PDZD2: variants seen among roughly 807,000 people sequenced by gnomAD.
PDZD2 encodes the protein PDZ domain-containing protein 2.
In PDZD2, 90 loss-of-function variants were observed where a neutral mutation model predicts 220.7. That is an observed-to-expected ratio of 0.41 (90% CI 0.34 to 0.49). The LOEUF is 0.49. Ranked by LOEUF, PDZD2 falls within the 20% of genes least tolerant of loss-of-function variation. The pLI, the probability that PDZD2 is intolerant of heterozygous loss-of-function variation, is 0.28. For missense variants in PDZD2, 3,174 were observed against 3,608.5 expected (o/e 0.88, Z 3.08); for synonymous variants, 1,375 against 1,450.5 (o/e 0.95, Z 1.18).
chr5:31,831,222 G>A lies in PDZD2; in HGVS notation c.476+31498G>A, dbSNP rs111605157. ...CATGGGGCCAGGGGCAGTGGCTCAC[G>A]CCTGTAATCCCAGCACTTTGGGAGG... On this transcript the variant is annotated intron_variant, in intron 2 of 24. Transcript: ENST00000438447. Among the ~76,000 whole-genome samples, 1,296 of 152,278 alleles carry A rather than the reference G, an allele frequency of 8.5e-3. 20 individuals are homozygous for A. Among genetic ancestry groups the A allele is most frequent in the African/African-American group, 0.029 (1,207 of 41,538 alleles).
chr5:31,728,526 C>T (rs1413349462), intron 1 of PDZD2, among the ~76,000 whole-genome samples: 2 of 152,116 alleles, frequency 1.3e-5, no homozygotes, highest in African/African-American at 2.4e-5. Context: ...ATGCTCCTTG[C>T]GAGTGCTAAT....
intron 2 of PDZD2, among the ~76,000 whole-genome samples, chr5:31,962,658 G>A (rs1241275443): frequency 6.6e-6 from 1 of 152,188 alleles, no homozygotes; most frequent in Non-Finnish European, 1.5e-5. Context: ...GCTCCAATCT[G>A]CACGGAGAAG....
In PDZD2 at chr5:31,740,418, A is replaced by G. The variant is rs544414018; in HGVS notation, c.-360-58471A>G. ...CAGGCGCCTGTAGTCCCAGCTACTC[A>G]GGAGGCTGAGGCATGAGAATGGCGT... On this transcript the variant is annotated intron_variant, in intron 1 of 24. Transcript: ENST00000438447. 1.6e-4 allele frequency among the ~76,000 whole-genome samples: 24 copies of G among 149,874 alleles called. No individual in the cohort carries two copies. The East Asian group carries it at 2.0e-3, about 12-fold the overall frequency.
intron 7 of PDZD2, among the ~76,000 whole-genome samples, chr5:32,046,897 G>A (rs1180586195): frequency 1.3e-5 from 2 of 152,036 alleles, no homozygotes; most frequent in Non-Finnish European, 1.5e-5. Context: ...AAAAAAATTA[G>A]CTGGGCGTGG....
intron 1 of PDZD2, among the ~76,000 whole-genome samples, chr5:31,737,472 A>G (rs1580656147): frequency 6.6e-6 from 1 of 152,156 alleles, no homozygotes; most frequent in Non-Finnish European, 1.5e-5. Flanking sequence ...GCGCCCGGCC[A>G]GAGCAGTCTA....
intron 6 of PDZD2, among the ~76,000 whole-genome samples, chr5:32,021,282 T>G (rs1301681205): frequency 6.6e-6 from 1 of 151,136 alleles, no homozygotes; most frequent in Non-Finnish European, 1.5e-5. Flanking sequence ...TGTTGTTGTT[T>G]TTGAGACAGC....
chr5:31,749,325 C>T (rs1483270877), intron 1 of PDZD2, among the ~76,000 whole-genome samples: 1 of 151,946 alleles, frequency 6.6e-6, no homozygotes, highest in African/African-American at 2.4e-5. Flanking sequence ...GAAAATGAAG[C>T]TCAGAGGGGT....
intron 1 of PDZD2, among the ~76,000 whole-genome samples, chr5:31,753,219 A>G (rs1405210333): frequency 1.3e-5 from 2 of 152,248 alleles, no homozygotes; most frequent in Non-Finnish European, 2.9e-5. Flanking sequence ...CACTTTCTTC[A>G]TAACGCTCTT....
intron 5 of PDZD2, among the ~76,000 whole-genome samples, chr5:32,004,121 T>C (rs185020448): frequency 2.7e-5 from 4 of 150,362 alleles, no homozygotes; most frequent in Non-Finnish European, 5.9e-5. Context: ...GGGCCACTTA[T>C]GGGTAAAGCA....
At chr5:31,966,080 T>A (rs139640634) in intron 2 of PDZD2, among the ~76,000 whole-genome samples, 1 of 152,306 alleles carries the variant, frequency 6.6e-6, no homozygotes, top group East Asian at 1.9e-4. Flanking sequence ...GTTTTTGTTT[T>A]GTTTTTTGGG....
In PDZD2 at chr5:31,958,725, A is replaced by G. The variant is rs1031877187; in HGVS notation, c.477-24430A>G. On this transcript the variant is annotated intron_variant, in intron 2 of 24. Coordinates refer to ENST00000438447, the MANE Select transcript of PDZD2 (RefSeq NM_178140.4). ...AGCCTCGACCTCCTAGGCTCAAGCA[A>G]TCCTCCCACCTCAGCCTTCCAAGTA... Among the ~76,000 whole-genome samples, 5 of 152,012 alleles carry G rather than the reference A, an allele frequency of 3.3e-5. No individual in the cohort carries two copies. The South Asian group carries it at 8.3e-4, about 25-fold the overall frequency.
intron 1 of PDZD2, among the ~76,000 whole-genome samples, chr5:31,716,667 G>A (rs1213517809): frequency 6.6e-6 from 1 of 152,184 alleles, no homozygotes; most frequent in East Asian, 1.9e-4. Context: ...GCCGGGTGTG[G>A]TGGTGGGCAC....
At chr5:32,030,846 A>T (rs1015123145) in intron 6 of PDZD2, among the ~76,000 whole-genome samples, 2 of 151,158 alleles carry the variant, frequency 1.3e-5, no homozygotes, top group Admixed American at 6.6e-5. Flanking sequence ...TCTCATATTT[A>T]CTCCCTTTAG....
Position 32,087,499 on chromosome 5 carries a change from A to G in PDZD2, c.4051A>G (p.Arg1351Gly). Residue 1351 changes from arginine (R) to glycine (G), a missense_variant, in exon 20 of 25, where the codon AGA (arginine) becomes GGA (glycine). Arg to Gly is a moderately radical substitution (Grantham distance 125). Transcript: ENST00000438447. This position sits in a 1 kb window ranked among gnomAD's most constrained non-coding sequence, Gnocchi z 4.0. Reference sequence around the variant, plus strand: ...AGACCCCCTCACATCCCAGGAGCAGAGACAGGGAGCTCCAGGTAACCACAG... The same window carrying G: ...AGACCCCCTCACATCCCAGGAGCAGGGACAGGGAGCTCCAGGTAACCACAG... ...PGDPLTSQEQRQGAPGNHSKA... is the reference protein window; with the variant it reads ...PGDPLTSQEQGQGAPGNHSKA... 6 of 1,613,306 alleles carry G rather than the reference A, an allele frequency of 3.7e-6. No homozygotes were observed. The highest frequency in any genetic ancestry group is 5.1e-6 in the Non-Finnish European group (6 of 1,179,554).
intron 7 of PDZD2, among the ~76,000 whole-genome samples, chr5:32,038,371 A>ACG (rs1187714736): frequency 6.6e-6 from 1 of 150,386 alleles, no homozygotes; most frequent in African/African-American, 2.5e-5. Flanking sequence ...CTACTAAAAT[A>ACG]CACACACACA....
At position 32,087,848 on chromosome 5, in the gene PDZD2, G is replaced by A. The variant is rs781273004; in HGVS notation, c.4400G>A (p.Gly1467Glu). The A allele has an allele frequency of 3.7e-6, 6 of 1,611,376 alleles. No individual in the cohort carries two copies. In the Admixed American group the frequency reaches 6.7e-5, roughly 18 times the overall value. ...QGHPPAGAGG[G>E]SSCRAEPVPG... ...CACCCACCAGCCGGGGCTGGAGGTGGGAGCTCCTGCCGTGCCGAACCAGTC... is the reference window on the plus strand; with the variant it reads ...CACCCACCAGCCGGGGCTGGAGGTGAGAGCTCCTGCCGTGCCGAACCAGTC... The change falls in exon 20 of 25, where the codon GGG (glycine) becomes GAG (glutamate). Residue 1467 changes from glycine (G) to glutamate (E), a missense_variant. Physicochemically the swap from Gly to Glu is moderately conservative, Grantham distance 98. Coordinates refer to ENST00000438447, the MANE Select transcript of PDZD2 (RefSeq NM_178140.4). This position sits in a 1 kb window ranked among gnomAD's most constrained non-coding sequence, Gnocchi z 4.0.
chr5:31,763,042 T>A (rs953063900), intron 1 of PDZD2, among the ~76,000 whole-genome samples: 1 of 152,236 alleles, frequency 6.6e-6, no homozygotes, highest in African/African-American at 2.4e-5. Flanking sequence ...TGTGATTTTT[T>A]AAAGCACTTT....
intron 2 of PDZD2, among the ~76,000 whole-genome samples, chr5:31,941,751 A>T (rs114692080): frequency 6.6e-6 from 1 of 152,284 alleles, no homozygotes; most frequent in African/African-American, 2.4e-5. Context: ...GCCTGTGTCT[A>T]ATTAGACATT....
In PDZD2 at chr5:31,806,969, T is replaced by C. The variant is rs550931913; in HGVS notation, c.476+7245T>C. Among the ~76,000 whole-genome samples the C allele has an allele frequency of 2.7e-5, 4 of 150,032 alleles. No individual in the cohort carries two copies. The South Asian group carries it at 8.5e-4, about 32-fold the overall frequency. On this transcript the variant is annotated intron_variant, in intron 2 of 24. Transcript: ENST00000438447. ...TTTTTTTTAAGACGGAGTTTCACTC[T>C]TGTTGCCCAGGCTGGAGTGCAACGG...
Sources: allele counts gnomAD v4.1 joint callset (sites outside exome capture counted in the v4.1 genomes callset), GRCh38; gene constraint gnomAD v4.1.1; non-coding constraint Gnocchi (gnomAD v3.1); transcripts MANE v1.5; gene names NCBI Gene and HGNC (gene_info 2026-07-23, HGNC 2026-07-21).